S100PBP: variants seen among roughly 807,000 people sequenced by gnomAD.
S100PBP encodes S100P-binding protein.
Under a neutral mutation model 39.9 loss-of-function variants are expected in S100PBP, and 15 were observed. The ratio of observed to expected loss-of-function variants is 0.38; its 90% CI spans 0.25 to 0.58. The LOEUF is 0.58. S100PBP is among the 20% of genes least tolerant of loss of function. The pLI, the probability that S100PBP is intolerant of heterozygous loss-of-function variation, is 0.70. For missense variants in S100PBP, 504 were observed against 487.3 expected (o/e 1.03, Z -0.32); for synonymous variants, 178 against 180.3 (o/e 0.99, Z 0.10).
At chr1:32,845,489 G>A (rs953331910) in intron 5 of S100PBP, among the ~76,000 whole-genome samples, 12 of 151,582 alleles carry the variant, frequency 7.9e-5, no homozygotes, top group African/African-American at 2.7e-4. Context: ...GGCTAGTCTC[G>A]AACTCTTGGC....
At chr1:32,817,277 C>T (rs1354774122), upstream of S100PBP, 2 of 1,613,196 alleles carry the variant, frequency 1.2e-6, no homozygotes, top group Middle Eastern at 1.7e-4. Flanking sequence ...CCGCTCAGCC[C>T]GGCACCAGAG....
chr1:32,846,968 C>CG (rs1640409086), intron 5 of S100PBP: 1 of 151,904 alleles, frequency 6.6e-6, no homozygotes, highest in Non-Finnish European at 1.5e-5. Flanking sequence ...TTAGTAGAGA[C>CG]GGGGTTTCTC....
intron 1 of S100PBP, among the ~76,000 whole-genome samples, chr1:32,821,385 G>A (rs899758038): frequency 5.9e-5 from 9 of 151,972 alleles, no homozygotes; most frequent in South Asian, 2.1e-4. Flanking sequence ...GCAGTGGCGC[G>A]GTCTGGGCTC....
upstream of S100PBP, chr1:32,817,126 C>CA (rs1202274196): frequency 3.7e-6 from 6 of 1,605,930 alleles, no homozygotes; most frequent in South Asian, 1.1e-5. Flanking sequence ...TAATGGGGCT[C>CA]AAAATCACTG....
chr1:32,817,442 G>A (rs1638784595), upstream of S100PBP: 1 of 657,754 alleles, frequency 1.5e-6, no homozygotes, highest in Admixed American at 2.6e-5. Context: ...CGAGCAGGTC[G>A]ATGAGACGGG....
intron 5 of S100PBP, chr1:32,842,673 C>A (rs1268677401): frequency 1.3e-5 from 2 of 152,080 alleles, no homozygotes; most frequent in Non-Finnish European, 1.5e-5. Flanking sequence ...CAGCTCACTG[C>A]AACCTCTGCC....
At chr1:32,845,670 A>G (rs530221537) in intron 5 of S100PBP, among the ~76,000 whole-genome samples, 1 of 149,438 alleles carries the variant, frequency 6.7e-6, no homozygotes, top group South Asian at 2.1e-4. Context: ...ACATTTTGAT[A>G]TGTTTTCATT....
At chr1:32,838,865 A>T (rs545017789) in intron 5 of S100PBP, among the ~76,000 whole-genome samples, 38 of 152,130 alleles carry the variant, frequency 2.5e-4, no homozygotes, top group African/African-American at 9.2e-4. Context: ...AAAAGTTGTA[A>T]GTGTACATTT....
chr1:32,852,095 T>G (rs1179086674), intron 5 of S100PBP, among the ~76,000 whole-genome samples: 1 of 152,084 alleles, frequency 6.6e-6, no homozygotes, highest in Non-Finnish European at 1.5e-5. Flanking sequence ...GGAGGATCAT[T>G]TGAGGTCAGG....
intron 5 of S100PBP, among the ~76,000 whole-genome samples, chr1:32,840,529 G>A (rs1053535667): frequency 1.3e-5 from 2 of 150,908 alleles, no homozygotes; most frequent in East Asian, 2.0e-4. Context: ...GCTAATTTTT[G>A]TATTTTTAGT....
chr1:32,819,540 G>C (rs1174213751), intron 1 of S100PBP, among the ~76,000 whole-genome samples: 3 of 152,096 alleles, frequency 2.0e-5, no homozygotes, highest in Admixed American at 6.6e-5. Context: ...TTTCAGCCTG[G>C]GTGATTGAGT....
chr1:32,838,167 C>T (rs1340648498), intron 5 of S100PBP, among the ~76,000 whole-genome samples: 2 of 151,726 alleles, frequency 1.3e-5, no homozygotes, highest in African/African-American at 4.8e-5. Flanking sequence ...CGGTGAAACT[C>T]CGTCTCTACT....
intron 4 of S100PBP, among the ~76,000 whole-genome samples, chr1:32,828,875 A>G (rs1225094340): frequency 2.6e-5 from 4 of 151,866 alleles, no homozygotes; most frequent in Admixed American, 6.6e-5. Context: ...GGTGGTGCAC[A>G]CCTGTGGTCC....
Position 32,829,969 on chromosome 1 carries a change from A to G in S100PBP, c.926A>G (p.Asn309Ser). Reference protein sequence around the residue: ...IPVLQTKTRTNVPTFSQSNLE... With the variant: ...IPVLQTKTRTSVPTFSQSNLE... ...TCTGGTTTGCTTTATTCAAGGACTA[A>G]TGTTCCGACGTTTTCACAGTCAAAT... Residue 309 changes from asparagine to serine, a missense_variant, in exon 5 of 7, where the codon AAT becomes AGT. Physicochemically the swap from Asn to Ser is conservative, Grantham distance 46. Coordinates refer to ENST00000373475, the MANE Select transcript of S100PBP (RefSeq NM_022753.4). The G allele has an allele frequency of 6.2e-7, 1 of 1,612,840 alleles. No individual in the cohort carries two copies. Among genetic ancestry groups the G allele is most frequent in the Non-Finnish European group, 8.5e-7 (1 of 1,178,958 alleles).
intron 5 of S100PBP, among the ~76,000 whole-genome samples, chr1:32,849,335 C>T (rs1488644505): frequency 6.6e-6 from 1 of 152,054 alleles, no homozygotes; most frequent in African/African-American, 2.4e-5. Context: ...CGGGGTTTCA[C>T]CATGTTGCCC....
intron 5 of S100PBP, chr1:32,834,725 G>C (rs1168070754): frequency 6.6e-6 from 1 of 152,114 alleles, no homozygotes; most frequent in Non-Finnish European, 1.5e-5. Flanking sequence ...TTATCTGTGG[G>C]GTGATGCTTT....
chr1:32,821,308 G>A (rs761072385), intron 1 of S100PBP, among the ~76,000 whole-genome samples: 14 of 152,014 alleles, frequency 9.2e-5, no homozygotes, highest in African/African-American at 2.9e-4. Flanking sequence ...TACATAATAC[G>A]TGGTATTGTG....
chr1:32,832,542 C>G (rs1639645722), intron 5 of S100PBP, among the ~76,000 whole-genome samples: 1 of 152,106 alleles, frequency 6.6e-6, no homozygotes. Context: ...CTTCCAGGAA[C>G]CCAGTATAAT....
intron 4 of S100PBP, among the ~76,000 whole-genome samples, chr1:32,828,366 T>C (rs191960850): frequency 1.1e-4 from 17 of 152,260 alleles, no homozygotes; most frequent in African/African-American, 3.4e-4. Context: ...AGGTAAGATA[T>C]CTTCTCCTGT....
Sources: allele counts gnomAD v4.1 joint callset (sites outside exome capture counted in the v4.1 genomes callset), GRCh38; gene constraint gnomAD v4.1.1; transcripts MANE v1.5; gene names NCBI Gene and HGNC (gene_info 2026-07-23, HGNC 2026-07-21).